The following ANKHD1 variants were observed in gnomAD, a reference collection of about 807,000 sequenced individuals.
ANKHD1 encodes the protein ankyrin repeat and KH domain containing 1.
ANKHD1 carries 31 observed loss-of-function variants against 230.5 expected under a neutral mutation model. The ratio of observed to expected loss-of-function variants is 0.13; its 90% CI spans 0.10 to 0.18. The LOEUF is 0.18. ANKHD1 is among the 10% of genes least tolerant of loss of function. The pLI is 1.00. For missense variants in ANKHD1, 2,256 were observed against 3,071.3 expected (o/e 0.73, Z 6.27); for synonymous variants, 1,074 against 1,117.6 (o/e 0.96, Z 0.78).
At chr5:140,473,355 AATC>A (rs1750775738) in intron 10 of ANKHD1, among the ~76,000 whole-genome samples, 1 of 152,010 alleles carries the variant, frequency 6.6e-6, no homozygotes, top group Non-Finnish European at 1.5e-5. Context: ...AACCCCTCTT[AATC>A]ATGATGCTTA....
intron 14 of ANKHD1, among the ~76,000 whole-genome samples, chr5:140,492,928 A>G (rs1581333905): frequency 6.6e-6 from 1 of 152,204 alleles, no homozygotes; most frequent in African/African-American, 2.4e-5. Context: ...CAATAAAAAA[A>G]TAAAGGCCAT....
In ANKHD1 at chr5:140,535,608, A is replaced by C. The variant is rs1347042574; in HGVS notation, c.7027+70A>C. ...TATTAAATCATTTATTTCAGTTACAACACCATGTTGTAACTTTAGTAAACT... is the reference window on the plus strand; with the variant it reads ...TATTAAATCATTTATTTCAGTTACACCACCATGTTGTAACTTTAGTAAACT... On this transcript the variant is annotated intron_variant, in intron 30 of 33. Transcript: ENST00000360839. 6.1e-6 allele frequency: 9 copies of C among 1,479,408 alleles called. No individual in the cohort carries two copies. The African/African-American group carries it at 1.3e-4, about 21-fold the overall frequency. 91.6% of individuals were successfully genotyped at this position (1,479,408 alleles called of 1,614,324 possible).
At chr5:140,475,272 AG>A (rs1339402028) in intron 10 of ANKHD1, among the ~76,000 whole-genome samples, 1 of 152,222 alleles carries the variant, frequency 6.6e-6, no homozygotes. Context: ...CTAGAAGTGC[AG>A]CATGGATCCA....
rs184887426 is a variant in ANKHD1 at position 140,521,595 on chromosome 5, T to A, written c.4318-2471T>A. Among the ~76,000 whole-genome samples the A allele has an allele frequency of 1.8e-4, 28 of 152,376 alleles. No individual in the cohort carries two copies. In the East Asian group the frequency reaches 5.0e-3, roughly 27 times the overall value. On this transcript the variant is annotated intron_variant, in intron 24 of 33. Coordinates refer to ENST00000360839, the MANE Select transcript of ANKHD1 (RefSeq NM_017747.3). Reference sequence around the variant, plus strand: ...GTAAAGATCCATGATAGCTGCATTTTAGGCACATAAATAGATGCCACATAA... The same window carrying A: ...GTAAAGATCCATGATAGCTGCATTTAAGGCACATAAATAGATGCCACATAA...
At chr5:140,405,075 C>G (rs1770322302) in intron 1 of ANKHD1, among the ~76,000 whole-genome samples, 1 of 150,354 alleles carries the variant, frequency 6.7e-6, no homozygotes, top group South Asian at 2.1e-4. Context: ...AGAATCCATG[C>G]CTTTTGTATT....
chr5:140,518,750 A>C (rs1406698379), intron 24 of ANKHD1, among the ~76,000 whole-genome samples: 1 of 152,216 alleles, frequency 6.6e-6, no homozygotes, highest in African/African-American at 2.4e-5. Flanking sequence ...CTTCATGCTA[A>C]AAACTCAATA....
chr5:140,527,845 A>G lies in ANKHD1; in HGVS notation c.5088-28A>G. 1 of 1,584,770 alleles carries G rather than the reference A, an allele frequency of 6.3e-7. No individual in the cohort carries two copies. Among genetic ancestry groups the G allele is most frequent in the South Asian group, 1.2e-5 (1 of 85,920 alleles). ...TTAATAAAGAGACATTTAATTTCATAAGCTCATGTGTATTCTTCATTTTAT... is the reference window on the plus strand; with the variant it reads ...TTAATAAAGAGACATTTAATTTCATGAGCTCATGTGTATTCTTCATTTTAT... On this transcript the variant is annotated intron_variant, in intron 27 of 33. Coordinates refer to ENST00000360839, the MANE Select transcript of ANKHD1 (RefSeq NM_017747.3). The surrounding 1 kb of genome is among the most constrained non-coding windows in gnomAD (Gnocchi z 4.5).
chr5:140,458,965 T>TATATATGC (rs1775450453), intron 8 of ANKHD1, 103 bp downstream of exon 8: 1 of 26,172 alleles, frequency 3.8e-5, no homozygotes, highest in African/African-American at 1.6e-4. Flanking sequence ...TATATATATA[T>TATATATGC]ATATATATAT....
intron 1 of ANKHD1, among the ~76,000 whole-genome samples, chr5:140,415,153 G>A (rs1040605337): frequency 2.6e-5 from 4 of 151,966 alleles, no homozygotes; most frequent in Admixed American, 2.0e-4. Flanking sequence ...GGGGGCCGAG[G>A]CGGGCCGATC....
At chr5:140,533,360 A>T (rs1753921706) in intron 29 of ANKHD1, among the ~76,000 whole-genome samples, 1 of 152,156 alleles carries the variant, frequency 6.6e-6, no homozygotes, top group Non-Finnish European at 1.5e-5. Flanking sequence ...GCACTTTGGG[A>T]GGCCGAGGCG....
chr5:140,426,059 A>G (rs1318594832), intron 1 of ANKHD1, among the ~76,000 whole-genome samples: 1 of 152,214 alleles, frequency 6.6e-6, no homozygotes, highest in African/African-American at 2.4e-5. Context: ...TAGCGAGTAC[A>G]TGTTTTAAAA....
chr5:140,501,878 GTACT>G (rs1270139805), intron 15 of ANKHD1, among the ~76,000 whole-genome samples: 3 of 151,952 alleles, frequency 2.0e-5, no homozygotes, highest in Admixed American at 1.3e-4. Context: ...GTAACATACT[GTACT>G]TACTTCTCTC....
intron 15 of ANKHD1, among the ~76,000 whole-genome samples, chr5:140,499,291 G>A (rs1166442665): frequency 6.6e-6 from 1 of 151,850 alleles, no homozygotes; most frequent in Non-Finnish European, 1.5e-5. Flanking sequence ...ATAAGGCAAG[G>A]GTGAATTAGG....
chr5:140,476,780 CAT>C (rs1167741141), intron 10 of ANKHD1, among the ~76,000 whole-genome samples: 1 of 152,058 alleles, frequency 6.6e-6, no homozygotes, highest in East Asian at 1.9e-4. Context: ...ATTGATAAAA[CAT>C]ATTATAAATA....
At chr5:140,422,238 G>A (rs774907905) in intron 1 of ANKHD1, among the ~76,000 whole-genome samples, 11 of 151,804 alleles carry the variant, frequency 7.2e-5, no homozygotes, top group South Asian at 4.2e-4. Flanking sequence ...TTCTCCTACC[G>A]CACCCTCCCG....
At chr5:140,412,757 C>G (rs1051212647) in intron 1 of ANKHD1, among the ~76,000 whole-genome samples, 2 of 152,174 alleles carry the variant, frequency 1.3e-5, no homozygotes, top group African/African-American at 4.8e-5. Context: ...TAGTTACAGA[C>G]AGTGCATGGT....
At chr5:140,455,761 C>A (rs1455989683) in intron 7 of ANKHD1, among the ~76,000 whole-genome samples, 1 of 152,134 alleles carries the variant, frequency 6.6e-6, no homozygotes, top group East Asian at 1.9e-4. Flanking sequence ...CAATATCATA[C>A]TGAATGGGCA....
At chr5:140,407,295 CAA>C (rs372650696) in intron 1 of ANKHD1, among the ~76,000 whole-genome samples, 1 of 120,472 alleles carries the variant, frequency 8.3e-6, no homozygotes, top group African/African-American at 3.2e-5. Flanking sequence ...ACTCCATCTC[CAA>C]AAAAAAAAAA....
intron 10 of ANKHD1, chr5:140,472,550 T>C: frequency 2.2e-6 from 2 of 929,302 alleles, no homozygotes; most frequent in Non-Finnish European, 2.8e-6. Flanking sequence ...ATTTTCTTAT[T>C]CAGGTAGTTC....
Sources: gnomAD v4.1 joint callset for allele counts (sites outside exome capture counted in the v4.1 genomes callset) on GRCh38, gnomAD v4.1.1 for gene constraint, Gnocchi (gnomAD v3.1) non-coding constraint, MANE v1.5 for transcripts, NCBI Gene and HGNC (gene_info 2026-07-23, HGNC 2026-07-21) for gene names.